The following DLG2 variants were observed in gnomAD, a reference collection of about 807,000 sequenced individuals.
The protein encoded by DLG2 is disks large homolog 2.
A neutral mutation model predicts 132.5 loss-of-function variants in DLG2; 45 were observed. The ratio of observed to expected loss-of-function variants is 0.34; its 90% CI spans 0.27 to 0.44. The LOEUF is 0.44. Ranked by LOEUF, DLG2 falls within the 20% of genes least tolerant of loss-of-function variation. The probability of loss-of-function intolerance (pLI) is 1.00; values close to 1 mark genes in which losing one functional copy is unlikely to be tolerated. For synonymous variants in DLG2, 424 were observed against 419.6 expected (o/e 1.01, Z -0.13); for missense variants, 1,045 against 1,196.9 (o/e 0.87, Z 1.87).
chr11:84,674,365 A>G lies in DLG2; in HGVS notation c.358-139634T>C, dbSNP rs550460770. Among the ~76,000 whole-genome samples, 11 of 152,242 alleles carry G rather than the reference A, an allele frequency of 7.2e-5. No individual in the cohort carries two copies. In the East Asian group the frequency reaches 7.7e-4, roughly 11 times the overall value. On this transcript the variant is annotated intron_variant, in intron 6 of 27. Coordinates refer to ENST00000376104, the MANE Select transcript of DLG2 (RefSeq NM_001142699.3). ...GAGTAGTCATCATCATTGTGATACT[A>G]CATGAATGAGCAGAGTATAATTAAT...
intron 19 of DLG2, among the ~76,000 whole-genome samples, chr11:83,586,525 A>C: frequency 6.6e-6 from 1 of 152,230 alleles, no homozygotes; most frequent in East Asian, 1.9e-4. Flanking sequence ...TCAGCGTATT[A>C]GGTTCTTTAA....
intron 6 of DLG2, among the ~76,000 whole-genome samples, chr11:85,073,597 G>A (rs114479957): frequency 5.5e-4 from 83 of 151,864 alleles, no homozygotes; most frequent in African/African-American, 1.9e-3. Context: ...AGTTGAAGTT[G>A]TACCTTCTTA....
intron 8 of DLG2, among the ~76,000 whole-genome samples, chr11:84,194,165 A>G (rs2096467669): frequency 1.3e-5 from 2 of 151,750 alleles, no homozygotes; most frequent in Admixed American, 1.3e-4. Context: ...TTCCTCCTAT[A>G]CTCTATCCTT....
At chr11:83,953,527 A>G (rs1365954623) in intron 14 of DLG2, among the ~76,000 whole-genome samples, 1 of 152,168 alleles carries the variant, frequency 6.6e-6, no homozygotes, top group Non-Finnish European at 1.5e-5. Flanking sequence ...CCATGGAAAA[A>G]TTATCTTCCA....
At chr11:85,415,080 A>T (rs1283116899) in intron 3 of DLG2, among the ~76,000 whole-genome samples, 3 of 152,046 alleles carry the variant, frequency 2.0e-5, no homozygotes, top group Admixed American at 2.0e-4. Flanking sequence ...CTCATTGATC[A>T]ACTCCCACTT....
intron 10 of DLG2, among the ~76,000 whole-genome samples, chr11:84,089,540 A>G (rs143329591): frequency 6.6e-6 from 1 of 152,370 alleles, no homozygotes; most frequent in African/African-American, 2.4e-5. Flanking sequence ...TTTATACACA[A>G]GAACTGCATT....
At chr11:85,062,708 T>C (rs918339544) in intron 6 of DLG2, among the ~76,000 whole-genome samples, 3 of 151,724 alleles carry the variant, frequency 2.0e-5, no homozygotes, top group African/African-American at 4.8e-5. Context: ...AAAAGTTATA[T>C]GTCACTAAAC....
At chr11:84,901,462 A>G (rs771170070) in intron 6 of DLG2, among the ~76,000 whole-genome samples, 66 of 152,114 alleles carry the variant, frequency 4.3e-4, no homozygotes, top group Non-Finnish European at 7.1e-4. Flanking sequence ...TCAATATTCA[A>G]TCAGGAATTT....
At chr11:84,779,673 A>C (rs935377541) in intron 6 of DLG2, among the ~76,000 whole-genome samples, 1 of 152,148 alleles carries the variant, frequency 6.6e-6, no homozygotes, top group African/African-American at 2.4e-5. Context: ...AAATAAACAA[A>C]ATCAGAAATG....
At chr11:83,537,441 A>G (rs2095908552) in intron 20 of DLG2, among the ~76,000 whole-genome samples, 1 of 152,270 alleles carries the variant, frequency 6.6e-6, no homozygotes, top group African/African-American at 2.4e-5. Flanking sequence ...AAACTCTTAT[A>G]TAATGCCAGC....
chr11:84,407,386 C>T (rs1404697942), intron 7 of DLG2, among the ~76,000 whole-genome samples: 1 of 152,170 alleles, frequency 6.6e-6, no homozygotes, highest in Non-Finnish European at 1.5e-5. Flanking sequence ...GGCCTTCCTA[C>T]TGTGGCCACT....
rs2098795738 is a variant in DLG2, at chr11:84,392,440, C to T, written c.520-141149G>A. 2.0e-5 allele frequency among the ~76,000 whole-genome samples: 3 copies of T among 152,086 alleles called. No individual in the cohort carries two copies. In the South Asian group the frequency reaches 6.2e-4, roughly 31 times the overall value. ...AAATGACATCCATGACATTCATATGCCAATGGTCTTAGAGGTGTAGGTTAG... is the reference window on the plus strand; with the variant it reads ...AAATGACATCCATGACATTCATATGTCAATGGTCTTAGAGGTGTAGGTTAG... On this transcript the variant is annotated intron_variant, in intron 7 of 27. Coordinates refer to ENST00000376104, the MANE Select transcript of DLG2 (RefSeq NM_001142699.3).
chr11:83,942,338 TTAAAA>T (rs151108947), intron 14 of DLG2, among the ~76,000 whole-genome samples: 11,599 of 152,094 alleles, frequency 0.076, 599 homozygotes, highest in Non-Finnish European at 0.12. Flanking sequence ...AAAAATCGAG[TTAAAA>T]TAATATATAT....
intron 6 of DLG2, among the ~76,000 whole-genome samples, chr11:84,598,115 C>T (rs770988254): frequency 5.9e-5 from 9 of 152,172 alleles, no homozygotes; most frequent in Non-Finnish European, 1.2e-4. Context: ...TTGGGGAGTA[C>T]TGTACCTAAA....
At chr11:83,671,619 T>C (rs1248599663) in intron 18 of DLG2, among the ~76,000 whole-genome samples, 2 of 152,220 alleles carry the variant, frequency 1.3e-5, no homozygotes, top group Non-Finnish European at 2.9e-5. Flanking sequence ...AAGAGAAACA[T>C]CTTTCAGAAG....
At chr11:85,203,190 C>A (rs1449389197) in intron 4 of DLG2, among the ~76,000 whole-genome samples, 1 of 150,994 alleles carries the variant, frequency 6.6e-6, no homozygotes, top group Non-Finnish European at 1.5e-5. Flanking sequence ...AAACATCAGA[C>A]CATATATAAA....
At chr11:84,066,965 G>A (rs1385572813) in intron 10 of DLG2, among the ~76,000 whole-genome samples, 3 of 152,126 alleles carry the variant, frequency 2.0e-5, no homozygotes, top group African/African-American at 7.2e-5. Context: ...TGTTTAATGT[G>A]CTGTATGAAG....
chr11:84,328,994 T>A (rs1196293636), intron 7 of DLG2, among the ~76,000 whole-genome samples: 1 of 152,226 alleles, frequency 6.6e-6, no homozygotes, highest in African/African-American at 2.4e-5. Flanking sequence ...CAGGTAGAAT[T>A]CTTGCAGGGC....
At chr11:85,057,828 TAA>T (rs1425027681) in intron 6 of DLG2, among the ~76,000 whole-genome samples, 3 of 151,324 alleles carry the variant, frequency 2.0e-5, no homozygotes, top group African/African-American at 7.3e-5. Context: ...TTCACCACAT[TAA>T]GAGACAAAAA....
Sources: allele counts gnomAD v4.1 joint callset (sites outside exome capture counted in the v4.1 genomes callset), GRCh38; gene constraint gnomAD v4.1.1; transcripts MANE v1.5; gene names NCBI Gene and HGNC (gene_info 2026-07-23, HGNC 2026-07-21).